Variants in GDF7 observed in about 807,000 individuals in gnomAD.
GDF7 encodes growth/differentiation factor 7.
In GDF7, 12 loss-of-function variants were observed where a neutral mutation model predicts 13.4. The observed-to-expected ratio is 0.90, with a 90% CI of 0.57 to 1.45. The LOEUF is 1.45. Ranked by LOEUF, GDF7 falls within the 40% of genes most tolerant of loss-of-function variation. The probability of loss-of-function intolerance (pLI) is 0.00; values close to 1 mark genes in which losing one functional copy is unlikely to be tolerated. For missense variants in GDF7, 651 were observed against 652.4 expected, an observed-to-expected ratio of 1.00 and a Z score of 0.02; for synonymous variants, 330 against 306.4, an observed-to-expected ratio of 1.08 and a Z score of -0.80.
Position 20,672,127 on chromosome 2 carries a change from C to CCCT in GDF7, c.*702_*703insCCT, listed in dbSNP as rs1662138262. ...CCGCCACCCCCCCCCCCCCCCCCGC[C>CCCT]TTTTTTTTTTTTTTTTTTAATCAAT... On this transcript the variant is annotated 3_prime_UTR_variant, in exon 2 of 2. Coordinates refer to ENST00000272224, the MANE Select transcript of GDF7 (RefSeq NM_182828.4). 1.8e-5 allele frequency: 2 copies of CCCT among 112,446 alleles called. No individual in the cohort carries two copies. Among genetic ancestry groups the CCCT allele is most frequent in the African/African-American group, 7.1e-5 (2 of 28,186 alleles). The allele number at this position is 112,446 out of a possible 1,614,324, so 7.0% of individuals were successfully genotyped here.
chr2:20,669,309 C>T (rs1389557944), intron 1 of GDF7, among the ~76,000 whole-genome samples: 3 of 152,170 alleles, frequency 2.0e-5, no homozygotes, highest in Admixed American at 2.0e-4. Context: ...GGCTGGTGAG[C>T]AAATCCCCAG....
chr2:20,670,507 G>T lies in GDF7; in HGVS notation c.435G>T (p.Val145=). 6.3e-7 allele frequency: 1 copy of T among 1,590,606 alleles called. No individual in the cohort carries two copies. The highest frequency in any genetic ancestry group is 8.5e-7 in the Non-Finnish European group (1 of 1,169,982). Residue 145 remains valine (V), a synonymous_variant, in exon 2 of 2, where the codon GTG becomes GTT. Transcript: ENST00000272224. The part of the protein sequence containing the change: ...AETGQSFLFD[V]SSLNDADEVV... ...CAGGCCAGAGCTTCCTGTTCGACGT[G>T]TCCAGCCTTAACGACGCAGACGAGG...
chr2:20,670,766 C>A lies in GDF7; in HGVS notation c.694C>A (p.Leu232Ile). Residue 232 changes from leucine (L) to isoleucine (I), a missense_variant, in exon 2 of 2, where the codon CTC becomes ATC. Coordinates refer to ENST00000272224, the MANE Select transcript of GDF7 (RefSeq NM_182828.4). ...REPRPPRAFC[L>I]LLRAVAGPVP... ...ACCGCGCCCCCCCCGCGCGTTCTGC[C>A]TCTTGCTGCGCGCAGTGGCAGGCCC... 2 of 1,492,546 alleles carry A rather than the reference C, an allele frequency of 1.3e-6. No homozygotes were observed. Among genetic ancestry groups the A allele is most frequent in the Non-Finnish European group, 1.8e-6 (2 of 1,127,426 alleles). 92.5% of individuals were successfully genotyped at this position (1,492,546 alleles called of 1,614,324 possible).
Position 20,667,660 on chromosome 2 carries a change from C to A in GDF7, c.391+30C>A. ...TTACGCCTCTTCTGTGCCCGCCCAT[C>A]CCGTCAGGTCCTGGGCTGAGACCAG... On this transcript the variant is annotated intron_variant, in intron 1 of 1. Transcript: ENST00000272224. This position sits in a 1 kb window ranked among gnomAD's most constrained non-coding sequence, Gnocchi z 6.4. 1.5e-6 allele frequency: 2 copies of A among 1,372,944 alleles called. No individual in the cohort carries two copies. Among genetic ancestry groups the A allele is most frequent in the South Asian group, 1.7e-5 (1 of 58,600 alleles). The allele number at this position is 1,372,944 out of a possible 1,614,324, so 85.0% of individuals were successfully genotyped here.
In GDF7 at chr2:20,670,528, C is replaced by G; in HGVS notation, c.456C>G (p.Asp152Glu). The part of the protein sequence containing the change: ...LFDVSSLNDA[D>E]EVVGAELRVL... ...ACGTGTCCAGCCTTAACGACGCAGA[C>G]GAGGTGGTGGGTGCCGAGCTGCGCG... Residue 152 changes from aspartate to glutamate, a missense_variant, in exon 2 of 2, where the codon GAC (aspartate) becomes GAG (glutamate). Around this residue, in one of 4 missense-constraint regions of GDF7, gnomAD observed 487 missense variants for 445.9 expected, o/e 1.09. Coordinates refer to ENST00000272224, the MANE Select transcript of GDF7 (RefSeq NM_182828.4). The G allele has an allele frequency of 1.2e-6, 2 of 1,600,744 alleles. No individual in the cohort carries two copies. The highest frequency in any genetic ancestry group is 8.5e-7 in the Non-Finnish European group (1 of 1,174,932).
At chr2:20,668,941 G>A (rs994204040) in intron 1 of GDF7, among the ~76,000 whole-genome samples, 14 of 145,166 alleles carry the variant, frequency 9.6e-5, no homozygotes, top group Non-Finnish European at 2.0e-4. Context: ...GAGAAGGGGG[G>A]TGTGCTGGGC....
chr2:20,668,260 G>A (rs1661998582), intron 1 of GDF7, among the ~76,000 whole-genome samples: 1 of 152,174 alleles, frequency 6.6e-6, no homozygotes, highest in Non-Finnish European at 1.5e-5. Flanking sequence ...ATGGGTGCCT[G>A]TGTCTGGTGC....
intron 1 of GDF7, among the ~76,000 whole-genome samples, chr2:20,669,166 G>A (rs993970336): frequency 6.6e-6 from 1 of 152,130 alleles, no homozygotes; most frequent in Non-Finnish European, 1.5e-5. Flanking sequence ...AGTGCTCCTC[G>A]TGCAGCCCCA....
chr2:20,670,513 C>T lies in GDF7; in HGVS notation c.441C>T (p.Ser147=). The change falls in exon 2 of 2, where the codon AGC becomes AGT. Residue 147 remains serine, a synonymous_variant. Transcript: ENST00000272224. ...TGQSFLFDVS[S]LNDADEVVGA... ...AGAGCTTCCTGTTCGACGTGTCCAG[C>T]CTTAACGACGCAGACGAGGTGGTGG... is the stretch of plus-strand genomic sequence containing the variant. The T allele has an allele frequency of 6.3e-7, 1 of 1,595,196 alleles. No homozygotes were observed. The highest frequency in any genetic ancestry group is 8.5e-7 in the Non-Finnish European group (1 of 1,172,186).
chr2:20,670,465 C>A lies in GDF7; in HGVS notation c.393C>A (p.Asp131Glu). 6.5e-7 allele frequency: 1 copy of A among 1,534,250 alleles called. No individual in the cohort carries two copies. Among genetic ancestry groups the A allele is most frequent in the South Asian group, 1.2e-5 (1 of 80,362 alleles). Residue 131 changes from aspartate (D) to glutamate (E), a missense_variant and splice_region_variant, in exon 2 of 2, where the codon GAC becomes GAA. Transcript: ENST00000272224. ...TCTGTCCCTGCCGGTCCCCCGCAGA[C>A]GAATCGGCAGCCGAAACAGGCCAGA... ...ITGFTDQATQ[D>E]ESAAETGQSF...
At position 20,667,543 on chromosome 2, in the gene GDF7, A is replaced by G. The variant is rs575138523; in HGVS notation, c.304A>G (p.Arg102Gly). The change falls in exon 1 of 2, where the codon AGG (arginine) becomes GGG (glycine). Residue 102 changes from arginine to glycine, a missense_variant. Physicochemically the swap from Arg to Gly is moderately radical, Grantham distance 125. This residue lies in a region of GDF7 where 487 missense variants were observed against 445.9 expected (regional missense o/e 1.09). Coordinates refer to ENST00000272224, the MANE Select transcript of GDF7 (RefSeq NM_182828.4). This position sits in a 1 kb window ranked among gnomAD's most constrained non-coding sequence, Gnocchi z 6.4. ...MMSLYRSLAG[R>G]APAGAAAVSA... is the part of the protein sequence containing the mutation. ...GTCGCTTTACCGGAGCCTGGCCGGG[A>G]GGGCTCCGGCCGGGGCAGCCGCTGT... The G allele has an allele frequency of 3.9e-4, 570 of 1,458,990 alleles. 10 individuals are homozygous for G. The South Asian group carries it at 6.8e-3, about 17-fold the overall frequency. The allele number at this position is 1,458,990 out of a possible 1,614,324, so 90.4% of individuals were successfully genotyped here.
At position 20,678,772 on chromosome 2, in the gene GDF7, C is replaced by T. The variant is rs1262034865; in HGVS notation, c.*7347C>T. 1 of 152,222 alleles carries T rather than the reference C, an allele frequency of 6.6e-6. No individual in the cohort carries two copies. The highest frequency in any genetic ancestry group is 1.5e-5 in the Non-Finnish European group (1 of 68,036). The allele number at this position is 152,222 out of a possible 1,614,324, so 9.4% of individuals were successfully genotyped here. ...ATTATTTTGGTGAGGGGATAGAAAT[C>T]CTTTCGCTTTGCAGTGACACCCACT... On this transcript the variant is annotated 3_prime_UTR_variant, in exon 2 of 2. Transcript: ENST00000272224.
At position 20,667,150 on chromosome 2, in the gene GDF7, C is replaced by G; in HGVS notation, c.-90C>G. The G allele has an allele frequency of 2.9e-6, 3 of 1,025,034 alleles. No individual in the cohort carries two copies. The highest frequency in any genetic ancestry group is 2.3e-6 in the Non-Finnish European group (2 of 854,054). 63.5% of individuals were successfully genotyped at this position (1,025,034 alleles called of 1,614,324 possible). On this transcript the variant is annotated 5_prime_UTR_variant, in exon 1 of 2. Transcript: ENST00000272224. This position sits in a 1 kb window ranked among gnomAD's most constrained non-coding sequence, Gnocchi z 6.4. The stretch of plus-strand genomic sequence containing the variant: ...CCGCGGGCTGGCCGCGCACACTTCC[C>G]CCATTATTAAACACTATGTTCAAAA...
intron 1 of GDF7, among the ~76,000 whole-genome samples, chr2:20,669,759 G>T (rs1336820382): frequency 8.5e-5 from 13 of 152,252 alleles, no homozygotes; most frequent in Non-Finnish European, 1.5e-4. Flanking sequence ...CCTTGGGCGA[G>T]CCTGGCCCCT....
rs1437218739 is a variant in GDF7, at chr2:20,677,113, G to A, written c.*5688G>A. 3 of 152,312 alleles carry A rather than the reference G, an allele frequency of 2.0e-5. No individual in the cohort carries two copies. In the East Asian group the frequency reaches 5.8e-4, roughly 29 times the overall value. 9.4% of individuals were successfully genotyped at this position (152,312 alleles called of 1,614,324 possible). A position where few individuals can be genotyped will look rare whatever the true frequency, so the allele number is the denominator to read the frequency against. ...GTGAATTTGTTGGCAGGACAGCTTG[G>A]TGTGATGATACAAGAAGTACAGTTT... On this transcript the variant is annotated 3_prime_UTR_variant, in exon 2 of 2. Coordinates refer to ENST00000272224, the MANE Select transcript of GDF7 (RefSeq NM_182828.4).
At position 20,667,414 on chromosome 2, in the gene GDF7, G is replaced by C; in HGVS notation, c.175G>C (p.Ala59Pro). ...GGRTLAQAAG[A>P]AAVPAAAVPR... Reference sequence around the variant, plus strand: ...GCGGACTCTTGCCCAGGCTGCGGGCGCCGCGGCTGTCCCGGCCGCCGCGGT... The same window carrying C: ...GCGGACTCTTGCCCAGGCTGCGGGCCCCGCGGCTGTCCCGGCCGCCGCGGT... The change falls in exon 1 of 2, where the codon GCC becomes CCC. Residue 59 changes from alanine (A) to proline (P), a missense_variant. Transcript: ENST00000272224. This position sits in a 1 kb window ranked among gnomAD's most constrained non-coding sequence, Gnocchi z 6.4. 2.3e-6 allele frequency: 2 copies of C among 873,180 alleles called. No individual in the cohort carries two copies. Among genetic ancestry groups the C allele is most frequent in the Non-Finnish European group, 2.7e-6 (2 of 731,450 alleles). 54.1% of individuals were successfully genotyped at this position (873,180 alleles called of 1,614,324 possible).
Position 20,671,403 on chromosome 2 carries a change from T to C in GDF7, c.1331T>C (p.Val444Ala). Residue 444 changes from valine (V) to alanine (A), a missense_variant, in exon 2 of 2, where the codon GTG becomes GCG. Physicochemically the swap from Val to Ala is moderately conservative, Grantham distance 64 (BLOSUM62 0). Transcript: ENST00000272224. ...TACAAGCAATACGAGGACATGGTGG[T>C]GGAGGCCTGCGGCTGCAGGTAGCGC... ...VVYKQYEDMVVEACGCR is the reference protein window; with the variant it reads ...VVYKQYEDMVAEACGCR 1 of 1,608,634 alleles carries C rather than the reference T, an allele frequency of 6.2e-7. No individual in the cohort carries two copies. The highest frequency in any genetic ancestry group is 1.1e-5 in the South Asian group (1 of 90,802).
In GDF7 at chr2:20,675,228, G is replaced by C. The variant is rs764309404; in HGVS notation, c.*3803G>C. 6.6e-6 allele frequency: 1 copy of C among 152,284 alleles called. No homozygotes were observed. The highest frequency in any genetic ancestry group is 1.5e-5 in the Non-Finnish European group (1 of 68,090). 9.4% of individuals were successfully genotyped at this position (152,284 alleles called of 1,614,324 possible). A position where few individuals can be genotyped will look rare whatever the true frequency, so the allele number is the denominator to read the frequency against. ...CAGTGGGCCATAGGCCAAGAGGTCTGAGTCAGATCGCGCAGTGAGCTGGAG... is the reference window on the plus strand; with the variant it reads ...CAGTGGGCCATAGGCCAAGAGGTCTCAGTCAGATCGCGCAGTGAGCTGGAG... On this transcript the variant is annotated 3_prime_UTR_variant, in exon 2 of 2. Coordinates refer to ENST00000272224, the MANE Select transcript of GDF7 (RefSeq NM_182828.4).
chr2:20,679,218 GTTGA>G lies in GDF7; in HGVS notation c.*7796_*7799del, dbSNP rs1662284347. On this transcript the variant is annotated 3_prime_UTR_variant, in exon 2 of 2. Transcript: ENST00000272224. ...CCATTTTAATATTTTGTACAGATAA[GTTGA>G]TTAAATATTTTATTCATAAAACCGC... 6.6e-6 allele frequency: 1 copy of G among 152,140 alleles called. No individual in the cohort carries two copies. Among genetic ancestry groups the G allele is most frequent in the Admixed American group, 6.5e-5 (1 of 15,288 alleles). 9.4% of individuals were successfully genotyped at this position (152,140 alleles called of 1,614,324 possible).
Sources: allele counts gnomAD v4.1 joint callset (sites outside exome capture counted in the v4.1 genomes callset), GRCh38; gene constraint gnomAD v4.1.1; regional missense constraint gnomAD v4.1.1; non-coding constraint Gnocchi (gnomAD v3.1); transcripts MANE v1.5; gene names NCBI Gene and HGNC (gene_info 2026-07-23, HGNC 2026-07-21).